CUBN: variants seen among roughly 807,000 people sequenced by gnomAD.
CUBN encodes the protein cubilin, also known as 460 kDa receptor.
In CUBN, 282 loss-of-function variants were observed where a neutral mutation model predicts 405.3. That is an observed-to-expected ratio of 0.70 (90% CI 0.63 to 0.77). The LOEUF is 0.77. Among genes scored for constraint, CUBN ranks in the 30% least tolerant of loss-of-function variants. CUBN has a pLI of 0.00. For synonymous variants in CUBN, 1,684 were observed against 1,617.0 expected, an observed-to-expected ratio of 1.04 and a Z score of -0.99; for missense variants, 4,514 against 4,475.2, an observed-to-expected ratio of 1.01 and a Z score of -0.25.
intron 59 of CUBN, among the ~76,000 whole-genome samples, chr10:16,869,192 G>A (rs1209122306): frequency 1.6e-5 from 2 of 126,912 alleles, no homozygotes; most frequent in Non-Finnish European, 3.3e-5. Context: ...TTGAGACAGA[G>A]TCTCATTCTG....
intron 27 of CUBN, among the ~76,000 whole-genome samples, chr10:17,030,162 T>C (rs1834758662): frequency 6.6e-6 from 1 of 150,980 alleles, no homozygotes; most frequent in Non-Finnish European, 1.5e-5. Context: ...AGCTCAGGGC[T>C]CCCACTGATT....
intron 45 of CUBN, among the ~76,000 whole-genome samples, chr10:16,917,359 T>C (rs774924499): frequency 6.6e-6 from 1 of 152,112 alleles, no homozygotes; most frequent in Non-Finnish European, 1.5e-5. Context: ...TACAGACATA[T>C]AGACTGTTTT....
chr10:16,848,574 G>A (rs150907230), intron 60 of CUBN, among the ~76,000 whole-genome samples: 15 of 151,634 alleles, frequency 9.9e-5, no homozygotes, highest in African/African-American at 3.4e-4. Context: ...AATTGGGTTA[G>A]AGTCCCCATA....
rs1297594156 is a variant in CUBN at position 17,100,084 on chromosome 10, A to G, written c.1686T>C (p.Asn562=). Residue 562 remains asparagine (N), a synonymous_variant, in exon 14 of 67, where the codon AAT becomes AAC. Transcript: ENST00000377833. ...SLPHELLSSD[N]ALYFHLYSEH... ...CAGAATAGAGATGAAAATAGAGAGC[A>G]TTGTCACTGCTGAGGAGTTCATGAG... 1 of 1,613,910 alleles carries G rather than the reference A, an allele frequency of 6.2e-7. No individual in the cohort carries two copies. The highest frequency in any genetic ancestry group is 1.3e-5 in the African/African-American group (1 of 74,898).
At chr10:16,929,239 C>T (rs1842299461) in intron 40 of CUBN, among the ~76,000 whole-genome samples, 1 of 152,044 alleles carries the variant, frequency 6.6e-6, no homozygotes, top group African/African-American at 2.4e-5. Flanking sequence ...CCCACAGAGA[C>T]ACAAAGGACA....
At chr10:16,913,756 C>T (rs1387030882) in intron 48 of CUBN, 55 bp downstream of exon 48, 36 of 1,600,728 alleles carry the variant, frequency 2.2e-5, no homozygotes, top group Admixed American at 1.7e-4. Context: ...ATTTATGGGT[C>T]GGTAAACTCT....
At chr10:17,047,999 G>A (rs1406056393) in intron 22 of CUBN, among the ~76,000 whole-genome samples, 2 of 152,214 alleles carry the variant, frequency 1.3e-5, no homozygotes, top group African/African-American at 4.8e-5. Flanking sequence ...ATGCATTTAT[G>A]AGAAATGACA....
rs780824225 is a variant in CUBN at position 16,913,855 on chromosome 10, G to C, written c.7489C>G (p.Leu2497Val). Residue 2497 changes from leucine (L) to valine (V), a missense_variant, in exon 48 of 67, where the codon CTG (leucine) becomes GTG (valine). Around this residue, in one of 5 missense-constraint regions of CUBN, gnomAD observed 1,613 missense variants for 1,542.8 expected, o/e 1.05. Transcript: ENST00000377833. ...CAGGACGGATGCGTGGCCAGCCTCA[G>C]GTTGTTAAACATTAGGGTGATCCGC... ...GRRITLMFNN[L>V]RLATHPSCNN... 1.2e-6 allele frequency: 2 copies of C among 1,614,100 alleles called. No individual in the cohort carries two copies. The highest frequency in any genetic ancestry group is 2.2e-5 in the South Asian group (2 of 91,076).
intron 46 of CUBN, 46 bp from the exon 47 acceptor site, chr10:16,915,218 T>C: frequency 6.2e-7 from 1 of 1,611,016 alleles, no homozygotes; most frequent in Non-Finnish European, 8.5e-7. Context: ...GTGATTGATT[T>C]CCTTTACCCT....
chr10:16,998,091 T>C (rs61264237), intron 28 of CUBN, among the ~76,000 whole-genome samples: 70 of 143,510 alleles, frequency 4.9e-4, no homozygotes, highest in Non-Finnish European at 8.9e-4. Flanking sequence ...AAGAAGAGAG[T>C]GAAAAGGAAG....
chr10:17,044,317 TA>T (rs1366928748), intron 25 of CUBN, among the ~76,000 whole-genome samples: 1 of 147,996 alleles, frequency 6.8e-6, no homozygotes, highest in Non-Finnish European at 1.5e-5. Context: ...AATAAATATA[TA>T]TTTTTTGTTA....
At position 17,100,086 on chromosome 10, in the gene CUBN, T is replaced by G; in HGVS notation, c.1684A>C (p.Asn562His). The change falls in exon 14 of 67, where the codon AAT (asparagine) becomes CAT (histidine). Residue 562 changes from asparagine to histidine, a missense_variant. Asn to His is a moderately conservative substitution (Grantham distance 68, BLOSUM62 1). This residue lies in a region of CUBN where 1,448 missense variants were observed against 1,388.0 expected (regional missense o/e 1.04). Coordinates refer to ENST00000377833, the MANE Select transcript of CUBN (RefSeq NM_001081.4). ...SLPHELLSSD[N>H]ALYFHLYSEH... ...GAATAGAGATGAAAATAGAGAGCAT[T>G]GTCACTGCTGAGGAGTTCATGAGGG... The G allele has an allele frequency of 6.2e-7, 1 of 1,613,998 alleles. No homozygotes were observed. The highest frequency in any genetic ancestry group is 8.5e-7 in the Non-Finnish European group (1 of 1,179,938).
Position 16,851,340 on chromosome 10 carries a change from T to C in CUBN, c.9558A>G (p.Val3186=). The change falls in exon 60 of 67, where the codon GTA becomes GTG. Residue 3186 remains valine, a synonymous_variant. Transcript: ENST00000377833. Reference sequence around the variant, plus strand: ...TGTTTACAGGTGCAATTATGATCCATACACAGTTTAAATTCTTGTCATACA... The same window carrying C: ...TGTTTACAGGTGCAATTATGATCCACACACAGTTTAAATTCTTGTCATACA... ...NGMYDKNLNC[V]WIIIAPVNKV... 6.2e-7 allele frequency: 1 copy of C among 1,614,146 alleles called. No homozygotes were observed. Among genetic ancestry groups the C allele is most frequent in the South Asian group, 1.1e-5 (1 of 91,090 alleles).
At chr10:17,034,476 G>C (rs1008782266) in intron 27 of CUBN, among the ~76,000 whole-genome samples, 1 of 152,172 alleles carries the variant, frequency 6.6e-6, no homozygotes, top group African/African-American at 2.4e-5. Context: ...CCAGGAGAGA[G>C]CATTGAAGTG....
intron 8 of CUBN, among the ~76,000 whole-genome samples, chr10:17,113,260 G>T (rs1174205029): frequency 6.6e-6 from 1 of 152,116 alleles, no homozygotes; most frequent in Non-Finnish European, 1.5e-5. Context: ...GAGAGACTCT[G>T]TCTCAAAACA....
At chr10:16,927,093 C>T (rs1842213913) in intron 41 of CUBN, among the ~76,000 whole-genome samples, 1 of 151,888 alleles carries the variant, frequency 6.6e-6, no homozygotes, top group Non-Finnish European at 1.5e-5. Flanking sequence ...GACACACACA[C>T]ATATTTATAT....
At chr10:16,992,466 A>C (rs370154068) in intron 28 of CUBN, among the ~76,000 whole-genome samples, 2 of 152,296 alleles carry the variant, frequency 1.3e-5, no homozygotes, top group African/African-American at 4.8e-5. Context: ...CATAACATTA[A>C]ACTACCATGG....
chr10:16,885,840 C>T (rs910125553), intron 56 of CUBN, among the ~76,000 whole-genome samples: 3 of 152,252 alleles, frequency 2.0e-5, no homozygotes, highest in South Asian at 4.1e-4. Flanking sequence ...AAAATCCAAG[C>T]CACATGTTGT....
rs967910069 is a variant in CUBN at position 16,879,803 on chromosome 10, G to A, written c.8906-2706C>T. Among the ~76,000 whole-genome samples, 29 of 152,246 alleles carry A rather than the reference G, an allele frequency of 1.9e-4. No individual in the cohort carries two copies. The South Asian group carries it at 2.1e-3, about 11-fold the overall frequency. ...ATTTCCATCGTATAAATACTCCCAC[G>A]ATAGCCAATTTCAAGCTATTAACAA... On this transcript the variant is annotated intron_variant, in intron 56 of 66. Transcript: ENST00000377833.
Sources: allele counts gnomAD v4.1 joint callset (sites outside exome capture counted in the v4.1 genomes callset), GRCh38; gene constraint gnomAD v4.1.1; regional missense constraint gnomAD v4.1.1; transcripts MANE v1.5; gene names NCBI Gene and HGNC (gene_info 2026-07-23, HGNC 2026-07-21).